The following CEP112 variants were observed in gnomAD, a reference collection of about 807,000 sequenced individuals.
The protein encoded by CEP112 is centrosomal protein of 112 kDa.
Under a neutral mutation model 153.0 loss-of-function variants are expected in CEP112, and 127 were observed. The observed-to-expected ratio is 0.83, with a 90% confidence interval of 0.72 to 0.96. The LOEUF (loss-of-function observed/expected upper bound fraction) is 0.96. Ranked by LOEUF, CEP112 falls within the 40% of genes least tolerant of loss-of-function variation. CEP112 has a pLI of 0.00. For synonymous variants in CEP112, 358 were observed against 374.4 expected, an observed-to-expected ratio of 0.96 and a Z score of 0.51; for missense variants, 1,089 against 1,101.2, an observed-to-expected ratio of 0.99 and a Z score of 0.16.
At chr17:66,068,334 G>A (rs150059463) in intron 9 of CEP112, among the ~76,000 whole-genome samples, 1,640 of 152,190 alleles carry the variant, frequency 0.011, 12 homozygotes, top group Non-Finnish European at 0.018. Context: ...AGCTACTCAG[G>A]AGGCTTACAG....
chr17:65,866,229 G>A (rs900492753), intron 20 of CEP112, among the ~76,000 whole-genome samples: 1 of 152,224 alleles, frequency 6.6e-6, no homozygotes, highest in Non-Finnish European at 1.5e-5. Context: ...CTGGAGCAAG[G>A]TTGGGGCCGA....
At chr17:65,805,873 T>C (rs1407736129) in intron 21 of CEP112, among the ~76,000 whole-genome samples, 3 of 152,242 alleles carry the variant, frequency 2.0e-5, no homozygotes, top group Non-Finnish European at 2.9e-5. Flanking sequence ...AACACCTTCA[T>C]TCTCTTTATC....
At chr17:65,975,778 C>T (rs879899097) in intron 17 of CEP112, among the ~76,000 whole-genome samples, 1 of 152,168 alleles carries the variant, frequency 6.6e-6, no homozygotes, top group Non-Finnish European at 1.5e-5. Context: ...AAGGTACACT[C>T]AGGAGGAGTC....
chr17:66,079,626 T>C (rs1179009682), intron 8 of CEP112, among the ~76,000 whole-genome samples: 1 of 152,166 alleles, frequency 6.6e-6, no homozygotes, highest in Non-Finnish European at 1.5e-5. Context: ...AAGCTACCAT[T>C]GACTTTTTTT....
chr17:65,733,295 T>C (rs2050617852), intron 23 of CEP112, among the ~76,000 whole-genome samples: 1 of 151,922 alleles, frequency 6.6e-6, no homozygotes, highest in Non-Finnish European at 1.5e-5. Context: ...CCCAAAACAA[T>C]GACAATAGTA....
intron 1 of CEP112, among the ~76,000 whole-genome samples, chr17:66,188,405 C>A (rs955977007): frequency 3.5e-5 from 5 of 144,614 alleles, no homozygotes; most frequent in Non-Finnish European, 7.6e-5. Flanking sequence ...AAACCCCCCC[C>A]CACCCCCGAG....
intron 25 of CEP112, 83 bp downstream of exon 25, chr17:65,640,881 C>T (rs924507041): frequency 1.1e-5 from 9 of 791,324 alleles, no homozygotes; most frequent in Middle Eastern, 2.4e-4. Context: ...TTTCTGGCAA[C>T]AATTTGGAAT....
At chr17:65,676,669 AG>A (rs1488611898) in intron 24 of CEP112, among the ~76,000 whole-genome samples, 2 of 152,316 alleles carry the variant, frequency 1.3e-5, no homozygotes, top group African/African-American at 4.8e-5. Flanking sequence ...GGTGAATTGA[AG>A]TTTCAAAGTG....
rs549667767 is a variant in CEP112, at chr17:65,707,603, T to A, written c.2608-18385A>T. ...GTCTCCACTTTGGTCCAGCCACACT[T>A]GCCTTCCTACTATTCTCTGAACCTT... On this transcript the variant is annotated intron_variant, in intron 23 of 26. Transcript: ENST00000535342. Among the ~76,000 whole-genome samples the A allele has an allele frequency of 7.2e-5, 11 of 152,208 alleles. 1 individual carries two copies. The South Asian group carries it at 2.3e-3, about 32-fold the overall frequency.
At chr17:65,892,847 A>G (rs1177877981) in intron 20 of CEP112, among the ~76,000 whole-genome samples, 1 of 152,192 alleles carries the variant, frequency 6.6e-6, no homozygotes, top group Non-Finnish European at 1.5e-5. Context: ...TTACATTTCA[A>G]AAAATTAGCT....
intron 21 of CEP112, among the ~76,000 whole-genome samples, chr17:65,826,929 A>G (rs1429985557): frequency 2.0e-5 from 3 of 152,148 alleles, no homozygotes; most frequent in Admixed American, 2.0e-4. Flanking sequence ...GTGGACTGGG[A>G]GAGGCAGACC....
At chr17:65,680,677 A>C (rs1195753583) in intron 24 of CEP112, among the ~76,000 whole-genome samples, 2 of 152,148 alleles carry the variant, frequency 1.3e-5, no homozygotes, top group African/African-American at 4.8e-5. Flanking sequence ...GGGGAGGTGC[A>C]TTTTAGTCCG....
At chr17:65,937,875 T>C (rs1434330312) in intron 18 of CEP112, among the ~76,000 whole-genome samples, 2 of 115,650 alleles carry the variant, frequency 1.7e-5, no homozygotes, top group Non-Finnish European at 3.6e-5. Flanking sequence ...TACTGGGAAG[T>C]GAGGAGCCCC....
intron 21 of CEP112, among the ~76,000 whole-genome samples, chr17:65,827,249 A>C (rs1385080815): frequency 1.3e-5 from 2 of 152,168 alleles, no homozygotes. Context: ...CCACAGGCCC[A>C]TTGTGGGACT....
rs143881577 is a variant in CEP112 at position 65,925,826 on chromosome 17, G to C, written c.1980+1756C>G. 2.8e-3 allele frequency among the ~76,000 whole-genome samples: 420 copies of C among 152,178 alleles called. 5 individuals carry two copies. The highest frequency in any genetic ancestry group is 3.5e-3 in the South Asian group (17 of 4,810). On this transcript the variant is annotated intron_variant, in intron 19 of 26. Transcript: ENST00000535342. ...TTCCATTTCCCATAGCAATGTTCCA[G>C]ATAGTTCATTCTAAAAACGACTCAA...
intron 1 of CEP112, among the ~76,000 whole-genome samples, chr17:66,185,243 C>T (rs1223405709): frequency 2.0e-5 from 3 of 152,172 alleles, no homozygotes; most frequent in Non-Finnish European, 4.4e-5. Context: ...TTTTTTGAGA[C>T]AGAGTCTTGC....
At chr17:65,724,714 A>C (rs1005965181) in intron 23 of CEP112, among the ~76,000 whole-genome samples, 2 of 152,244 alleles carry the variant, frequency 1.3e-5, no homozygotes, top group Admixed American at 6.5e-5. Flanking sequence ...ATCAGGCACA[A>C]TAGTGTCCGA....
Position 66,062,820 on chromosome 17 carries a change from G to A in CEP112, c.1074+143C>T, listed in dbSNP as rs531921388. 71 of 429,846 alleles carry A rather than the reference G, an allele frequency of 1.7e-4. 1 individual carries two copies. In the South Asian group the frequency reaches 4.2e-3, roughly 25 times the overall value. 26.6% of individuals were successfully genotyped at this position (429,846 alleles called of 1,614,324 possible). Reference sequence around the variant, plus strand: ...AAGAAAATATACCAAAACATGAACAGTAGCTATTTCTAAACAGCCTGGAAT... The same window carrying A: ...AAGAAAATATACCAAAACATGAACAATAGCTATTTCTAAACAGCCTGGAAT... On this transcript the variant is annotated intron_variant, in intron 11 of 26. Transcript: ENST00000535342.
chr17:65,987,563 T>A (rs1476276648), intron 17 of CEP112, among the ~76,000 whole-genome samples: 1 of 152,128 alleles, frequency 6.6e-6, no homozygotes, highest in Non-Finnish European at 1.5e-5. Context: ...AAAAAGAGAA[T>A]TACATCTGAT....
Sources: allele counts gnomAD v4.1 joint callset (sites outside exome capture counted in the v4.1 genomes callset), GRCh38; gene constraint gnomAD v4.1.1; transcripts MANE v1.5; gene names NCBI Gene and HGNC (gene_info 2026-07-23, HGNC 2026-07-21).